The following NBEA variants were observed in gnomAD, a reference collection of about 807,000 sequenced individuals.
NBEA encodes the protein lysosomal-trafficking regulator 2.
A neutral mutation model predicts 343.4 loss-of-function variants in NBEA; 44 were observed. That is an observed-to-expected ratio of 0.13 (90% CI 0.10 to 0.16). The LOEUF is 0.16. Ranked by LOEUF, NBEA falls within the 10% of genes least tolerant of loss-of-function variation. The pLI is 1.00. For synonymous variants in NBEA, 1,175 were observed against 1,238.7 expected (o/e 0.95, Z 1.08); for missense variants, 2,555 against 3,631.3 (o/e 0.70, Z 7.62).
intron 41 of NBEA, among the ~76,000 whole-genome samples, chr13:35,492,580 T>C (rs1276330925): frequency 1.3e-5 from 2 of 151,922 alleles, no homozygotes; most frequent in Admixed American, 1.3e-4. Context: ...CTTTTTTCCT[T>C]GAAGATAAAC....
At chr13:34,966,059 G>C (rs889399236) in intron 1 of NBEA, among the ~76,000 whole-genome samples, 2 of 151,970 alleles carry the variant, frequency 1.3e-5, no homozygotes, top group South Asian at 2.1e-4. Flanking sequence ...ATGAAAAAAT[G>C]TTTATTGGAA....
At chr13:35,462,526 C>T (rs182881771) in intron 40 of NBEA, among the ~76,000 whole-genome samples, 68 of 152,176 alleles carry the variant, frequency 4.5e-4, no homozygotes, top group Non-Finnish European at 8.1e-4. Flanking sequence ...GACTGACAAG[C>T]GCTTGGGGAG....
At position 35,421,847 on chromosome 13, in the gene NBEA, T is replaced by G. The variant is rs533929095; in HGVS notation, c.6180-10422T>G. On this transcript the variant is annotated intron_variant, in intron 38 of 58. Coordinates refer to ENST00000379939, the MANE Select transcript of NBEA (RefSeq NM_001385012.1). The stretch of plus-strand genomic sequence containing the variant: ...CTAAAAAATATTTTGCCACTTTCTC[T>G]GGTCATCATTGTTTCTGATGTAAAA... Among the ~76,000 whole-genome samples the G allele has an allele frequency of 2.0e-5, 3 of 152,262 alleles. No homozygotes were observed. In the South Asian group the frequency reaches 6.2e-4, roughly 31 times the overall value.
intron 1 of NBEA, among the ~76,000 whole-genome samples, chr13:34,986,554 C>T (rs1031486389): frequency 1.3e-5 from 2 of 150,818 alleles, no homozygotes; most frequent in Non-Finnish European, 3.0e-5. Context: ...ATTAGGTCTG[C>T]TTGGTGCAGA....
chr13:35,533,193 A>G (rs1418039497), intron 41 of NBEA, among the ~76,000 whole-genome samples: 1 of 152,192 alleles, frequency 6.6e-6, no homozygotes, highest in Non-Finnish European at 1.5e-5. Flanking sequence ...TAGATTAAAA[A>G]TATAGCATTT....
chr13:35,280,594 C>G (rs1248765137), intron 34 of NBEA, among the ~76,000 whole-genome samples: 7 of 152,078 alleles, frequency 4.6e-5, no homozygotes, highest in Non-Finnish European at 1.0e-4. Context: ...TTGGTCTCAT[C>G]ATAATAAACT....
At chr13:35,601,903 G>A (rs1251840169) in intron 47 of NBEA, among the ~76,000 whole-genome samples, 1 of 151,884 alleles carries the variant, frequency 6.6e-6, no homozygotes, top group Non-Finnish European at 1.5e-5. Flanking sequence ...CCAATTTGCA[G>A]TGCAGCCATT....
chr13:35,637,549 C>T (rs541269902), intron 49 of NBEA, among the ~76,000 whole-genome samples: 30 of 152,206 alleles, frequency 2.0e-4, no homozygotes, highest in Non-Finnish European at 4.1e-4. Context: ...CGAGGCCAGG[C>T]GCAGTGGCTC....
intron 38 of NBEA, among the ~76,000 whole-genome samples, chr13:35,395,747 C>G (rs919380185): frequency 6.6e-6 from 1 of 152,088 alleles, no homozygotes; most frequent in Non-Finnish European, 1.5e-5. Flanking sequence ...TTAAAATATT[C>G]TAATATGATT....
intron 41 of NBEA, among the ~76,000 whole-genome samples, chr13:35,492,632 G>A (rs79884907): frequency 0.02 from 3,089 of 151,990 alleles, 125 homozygotes; most frequent in African/African-American, 0.071. Context: ...TATTCCATAT[G>A]TATTTGTAAC....
intron 10 of NBEA, among the ~76,000 whole-genome samples, chr13:35,078,646 C>T (rs183465249): frequency 7.2e-4 from 109 of 152,246 alleles, no homozygotes; most frequent in Non-Finnish European, 1.2e-3. Flanking sequence ...GATTTATAAT[C>T]TTCTTACTGA....
At chr13:34,983,265 C>A (rs2060422526) in intron 1 of NBEA, among the ~76,000 whole-genome samples, 1 of 152,100 alleles carries the variant, frequency 6.6e-6, no homozygotes, top group Non-Finnish European at 1.5e-5. Flanking sequence ...TGAGTGAGAA[C>A]ATGCGGTGTT....
At chr13:35,232,870 C>T (rs1566494535) in intron 34 of NBEA, among the ~76,000 whole-genome samples, 1 of 151,974 alleles carries the variant, frequency 6.6e-6, no homozygotes, top group Non-Finnish European at 1.5e-5. Flanking sequence ...GAGGCTTTGG[C>T]TCTTTAATCC....
intron 35 of NBEA, among the ~76,000 whole-genome samples, chr13:35,301,223 C>T (rs1480896012): frequency 1.3e-5 from 2 of 151,308 alleles, no homozygotes; most frequent in South Asian, 2.1e-4. Flanking sequence ...GCAGAACATG[C>T]AGGTTTGTTA....
At chr13:35,071,907 C>T (rs191235768) in intron 10 of NBEA, among the ~76,000 whole-genome samples, 4 of 152,028 alleles carry the variant, frequency 2.6e-5, no homozygotes, top group Admixed American at 1.3e-4. Context: ...ATTCACCTCC[C>T]GTCTATGGGT....
intron 1 of NBEA, among the ~76,000 whole-genome samples, chr13:35,006,289 T>G (rs1333748269): frequency 6.6e-6 from 1 of 152,144 alleles, no homozygotes; most frequent in Non-Finnish European, 1.5e-5. Context: ...ATTTTGCTAT[T>G]CTTTTAGTGG....
At chr13:35,120,350 G>A (rs1488829348) in intron 16 of NBEA, among the ~76,000 whole-genome samples, 4 of 152,002 alleles carry the variant, frequency 2.6e-5, no homozygotes, top group Non-Finnish European at 5.9e-5. Flanking sequence ...ATTGTTACCC[G>A]TATGTTAAAA....
intron 49 of NBEA, among the ~76,000 whole-genome samples, chr13:35,637,374 C>G (rs1294115848): frequency 6.6e-6 from 1 of 152,086 alleles, no homozygotes; most frequent in Non-Finnish European, 1.5e-5. Context: ...GGCGTAGCTG[C>G]TAGGAAAAAC....
chr13:35,155,246 G>A (rs1739196775), intron 18 of NBEA, among the ~76,000 whole-genome samples: 1 of 151,434 alleles, frequency 6.6e-6, no homozygotes, highest in African/African-American at 2.4e-5. Flanking sequence ...ATAGATACTG[G>A]TTCTGGTTTT....
Sources: allele counts gnomAD v4.1 joint callset (sites outside exome capture counted in the v4.1 genomes callset), GRCh38; gene constraint gnomAD v4.1.1; transcripts MANE v1.5; gene names NCBI Gene and HGNC (gene_info 2026-07-23, HGNC 2026-07-21).